Variants in CA10 observed in about 807,000 individuals in gnomAD.
CA10 encodes carbonic anhydrase 10 (inactive).
A neutral mutation model predicts 44.2 loss-of-function variants in CA10; 14 were observed. That is an observed-to-expected ratio of 0.32 (90% CI 0.21 to 0.50). The LOEUF is 0.50. Ranked by LOEUF, CA10 falls within the 20% of genes least tolerant of loss-of-function variation. The pLI is 0.99. For synonymous variants in CA10, 159 were observed against 141.6 expected (o/e 1.12, Z -0.87); for missense variants, 350 against 409.7 (o/e 0.85, Z 1.26).
chr17:52,020,967 G>A (rs1986120480), intron 2 of CA10, among the ~76,000 whole-genome samples: 1 of 151,970 alleles, frequency 6.6e-6, no homozygotes, highest in South Asian at 2.1e-4. Context: ...CATTGTTGCT[G>A]CAAAAGACAG....
rs572381238 is a variant in CA10 at position 51,911,641 on chromosome 17, T to C, written c.279+19349A>G. Among the ~76,000 whole-genome samples, 39 of 151,858 alleles carry C rather than the reference T, an allele frequency of 2.6e-4. 1 individual carries two copies. In the South Asian group the frequency reaches 7.9e-3, roughly 31 times the overall value. ...GAATAGTAATGAGCTACAGAAGGAG[T>C]CTGAAAACCAAAATGGAAGTCTAGT... On this transcript the variant is annotated intron_variant, in intron 3 of 8. Coordinates refer to ENST00000451037, the MANE Select transcript of CA10 (RefSeq NM_020178.5).
rs144992462 is a variant in CA10, at chr17:51,962,640, T to C, written c.137-31508A>G. On this transcript the variant is annotated intron_variant, in intron 2 of 8. Coordinates refer to ENST00000451037, the MANE Select transcript of CA10 (RefSeq NM_020178.5). ...TAAATTTACCAAGAGGAAGTGCATA[T>C]GGCTATAGAAGCAAAACAAAAAACC... 2.0e-3 allele frequency among the ~76,000 whole-genome samples: 308 copies of C among 152,204 alleles called. 3 individuals are homozygous for C. The highest frequency in any genetic ancestry group is 7.1e-3 in the African/African-American group (294 of 41,524).
At chr17:51,736,524 T>C (rs1916920128) in intron 4 of CA10, among the ~76,000 whole-genome samples, 1 of 152,222 alleles carries the variant, frequency 6.6e-6, no homozygotes. Flanking sequence ...TTTTCCTGGC[T>C]GGGAGTGTGA....
intron 2 of CA10, among the ~76,000 whole-genome samples, chr17:51,953,765 G>T (rs1210826100): frequency 2.0e-5 from 3 of 151,848 alleles, no homozygotes; most frequent in African/African-American, 7.3e-5. Flanking sequence ...TGATCATTTT[G>T]GTTATTGTGA....
At chr17:52,064,565 AC>A (rs939340845) in intron 2 of CA10, among the ~76,000 whole-genome samples, 21 of 8,016 alleles carry the variant, frequency 2.6e-3, no homozygotes, top group Non-Finnish European at 5.0e-3. Context: ...TAATCATGAG[AC>A]TTTTTTTTTT....
rs191512897 is a variant in CA10, at chr17:52,131,628, A to C, written c.61+26098T>G. ...ATAGAGAGCATTTAATTTTGTAGAG[A>C]GCTTTCAGTACTAAAATAGGTAGTC... On this transcript the variant is annotated intron_variant, in intron 1 of 8. Transcript: ENST00000451037. 7.2e-3 allele frequency among the ~76,000 whole-genome samples: 1,101 copies of C among 152,322 alleles called. 15 individuals are homozygous for C. Among genetic ancestry groups the C allele is most frequent in the African/African-American group, 0.026 (1,061 of 41,566 alleles).
intron 1 of CA10, among the ~76,000 whole-genome samples, chr17:52,083,343 C>T (rs960179738): frequency 2.6e-5 from 4 of 152,168 alleles, no homozygotes; most frequent in Non-Finnish European, 5.9e-5. Flanking sequence ...AAATACATGG[C>T]ACCCTGGGGT....
intron 2 of CA10, among the ~76,000 whole-genome samples, chr17:52,034,028 G>C (rs1405213020): frequency 6.6e-6 from 1 of 152,200 alleles, no homozygotes; most frequent in Non-Finnish European, 1.5e-5. Context: ...CAAAAATTCA[G>C]GAAGGGGTAA....
At chr17:51,675,603 C>T (rs1225124756) in intron 4 of CA10, among the ~76,000 whole-genome samples, 1 of 150,338 alleles carries the variant, frequency 6.7e-6, no homozygotes, top group African/African-American at 2.4e-5. Flanking sequence ...GTAATCCCAG[C>T]TACTCAGGAG....
intron 3 of CA10, among the ~76,000 whole-genome samples, chr17:51,916,902 G>A (rs2143963849): frequency 6.6e-6 from 1 of 152,240 alleles, no homozygotes; most frequent in East Asian, 1.9e-4. Context: ...GGCCACCGGA[G>A]TCCTTTCCGA....
intron 3 of CA10, among the ~76,000 whole-genome samples, chr17:51,808,738 A>T (rs1374193623): frequency 6.6e-6 from 1 of 152,210 alleles, no homozygotes; most frequent in Non-Finnish European, 1.5e-5. Flanking sequence ...TCCATATAGC[A>T]TGTCTCAACT....
intron 3 of CA10, among the ~76,000 whole-genome samples, chr17:51,898,424 T>C (rs1028541025): frequency 6.6e-6 from 1 of 152,112 alleles, no homozygotes; most frequent in Non-Finnish European, 1.5e-5. Flanking sequence ...ATGAATTAGT[T>C]TTTTGATGTG....
At chr17:51,678,691 G>T (rs1437605854) in intron 4 of CA10, among the ~76,000 whole-genome samples, 1 of 152,224 alleles carries the variant, frequency 6.6e-6, no homozygotes, top group East Asian at 1.9e-4. Context: ...CATAGGAATG[G>T]TGTAATGCAG....
At position 52,143,307 on chromosome 17, in the gene CA10, C is replaced by T. The variant is rs114237598; in HGVS notation, c.61+14419G>A. ...TATCTGACATGAATTTTTGGCCACA[C>T]ACAATAATGTGATATAATTTTAAAT... On this transcript the variant is annotated intron_variant, in intron 1 of 8. Transcript: ENST00000451037. Among the ~76,000 whole-genome samples the T allele has an allele frequency of 5.1e-3, 771 of 152,070 alleles. 5 individuals are homozygous for T. The highest frequency in any genetic ancestry group is 0.018 in the African/African-American group (751 of 41,466).
intron 6 of CA10, among the ~76,000 whole-genome samples, chr17:51,637,985 C>T (rs754721304): frequency 3.9e-5 from 6 of 152,194 alleles, no homozygotes; most frequent in Non-Finnish European, 5.9e-5. Context: ...TATAATGTCA[C>T]AGTAATAAGT....
intron 2 of CA10, among the ~76,000 whole-genome samples, chr17:52,042,550 T>C (rs1986800604): frequency 6.6e-6 from 1 of 152,006 alleles, no homozygotes; most frequent in Admixed American, 6.6e-5. Context: ...CATTCTATAG[T>C]TTGCCTTTTC....
intron 3 of CA10, among the ~76,000 whole-genome samples, chr17:51,897,727 T>C (rs1981133896): frequency 6.6e-6 from 1 of 152,174 alleles, no homozygotes; most frequent in Admixed American, 6.6e-5. Context: ...GTTTTTGTCA[T>C]CTCTGATTTC....
intron 2 of CA10, among the ~76,000 whole-genome samples, chr17:52,058,481 G>A (rs1257550778): frequency 6.6e-6 from 1 of 152,116 alleles, no homozygotes; most frequent in Non-Finnish European, 1.5e-5. Flanking sequence ...GGAACACAAT[G>A]GAGTGGGATC....
chr17:51,801,674 C>T (rs1383978677), intron 3 of CA10, among the ~76,000 whole-genome samples: 1 of 152,136 alleles, frequency 6.6e-6, no homozygotes, highest in Non-Finnish European at 1.5e-5. Context: ...CTACAGTTCT[C>T]TTCCGCTGGC....
Sources: gnomAD v4.1 joint callset for allele counts (sites outside exome capture counted in the v4.1 genomes callset) on GRCh38, gnomAD v4.1.1 for gene constraint, MANE v1.5 for transcripts, NCBI Gene and HGNC (gene_info 2026-07-23, HGNC 2026-07-21) for gene names.